Variants in TLK1 observed in about 807,000 individuals in gnomAD.
TLK1 encodes the protein tousled like kinase 1, also known as serine/threonine-protein kinase tousled-like 1.
In TLK1, 24 loss-of-function variants were observed where a neutral mutation model predicts 105.3. The observed-to-expected ratio is 0.23, with a 90% CI of 0.17 to 0.32. The LOEUF (loss-of-function observed/expected upper bound fraction) is 0.32, where lower values mean the gene tolerates loss of function less well. TLK1 is among the 10% of genes least tolerant of loss of function. TLK1 has a pLI of 1.00. For synonymous variants in TLK1, 321 were observed against 310.4 expected, an observed-to-expected ratio of 1.03 and a Z score of -0.36; for missense variants, 558 against 910.5, an observed-to-expected ratio of 0.61 and a Z score of 4.98.
chr2:171,013,168 A>G (rs1054855615), intron 13 of TLK1, among the ~76,000 whole-genome samples: 1 of 151,584 alleles, frequency 6.6e-6, no homozygotes, highest in African/African-American at 2.4e-5. Context: ...GCCCACCACA[A>G]CGCTGGGCTA....
In TLK1 at chr2:170,992,122, C is replaced by T. The variant is rs1683811094; in HGVS notation, c.*1658G>A. 1 of 152,132 alleles carries T rather than the reference C, an allele frequency of 6.6e-6. No individual in the cohort carries two copies. Among genetic ancestry groups the T allele is most frequent in the Non-Finnish European group, 1.5e-5 (1 of 67,992 alleles). The allele number at this position is 152,132 out of a possible 1,614,324, so 9.4% of individuals were successfully genotyped here. On this transcript the variant is annotated 3_prime_UTR_variant, in exon 21 of 21. Coordinates refer to ENST00000431350, the MANE Select transcript of TLK1 (RefSeq NM_012290.5). ...GTGAAGGAGCTCAGTTAGTCAATAT[C>T]CTACCATCTTGAAAGCTCCCTTCCA...
intron 1 of TLK1, among the ~76,000 whole-genome samples, chr2:171,145,897 G>C (rs1322180044): frequency 6.6e-6 from 1 of 151,868 alleles, no homozygotes; most frequent in African/African-American, 2.4e-5. Context: ...TGGTTACTTT[G>C]GGGAGCATGG....
Position 171,160,342 on chromosome 2 carries a change from C to A in TLK1, c.87G>T (p.Ala29=). The A allele has an allele frequency of 6.2e-7, 1 of 1,603,886 alleles. No individual in the cohort carries two copies. The highest frequency in any genetic ancestry group is 8.5e-7 in the Non-Finnish European group (1 of 1,176,028). Residue 29 remains alanine, a synonymous_variant, in exon 1 of 21, where the codon GCG becomes GCT. Coordinates refer to ENST00000431350, the MANE Select transcript of TLK1 (RefSeq NM_012290.5). The surrounding 1 kb of genome is among the most constrained non-coding windows in gnomAD (Gnocchi z 4.4). ...TGTGATTCAGCAGGGACCTGGCCGC[C>A]GCCGCCGAGCCCGGGGTTGGAGACG... ...LSTSPTPGSA[A]AARSLLNHTP...
intron 1 of TLK1, among the ~76,000 whole-genome samples, chr2:171,227,568 CTT>C (rs71401413): frequency 2.3e-3 from 126 of 55,464 alleles, no homozygotes; most frequent in African/African-American, 7.8e-3. Flanking sequence ...AGTAAATCTC[CTT>C]TTTTTTTTTT....
intron 1 of TLK1, among the ~76,000 whole-genome samples, chr2:171,168,783 A>T (rs1278609456): frequency 6.6e-6 from 1 of 152,058 alleles, no homozygotes; most frequent in Non-Finnish European, 1.5e-5. Context: ...GATGAGAGTT[A>T]TTCTGGAAGT....
At chr2:171,098,825 C>G (rs1349250434) in intron 2 of TLK1, among the ~76,000 whole-genome samples, 2 of 152,046 alleles carry the variant, frequency 1.3e-5, no homozygotes, top group Non-Finnish European at 2.9e-5. Context: ...CATACACCAG[C>G]TATATTAACA....
chr2:171,028,501 G>A (rs1685885089), intron 11 of TLK1, 96 bp from the exon 12 acceptor site: 1 of 841,412 alleles, frequency 1.2e-6, no homozygotes, highest in Admixed American at 2.4e-5. Context: ...ATACTAAAAT[G>A]TGGACAACTT....
chr2:171,003,603 C>G (rs552557554), intron 18 of TLK1, among the ~76,000 whole-genome samples: 2 of 152,064 alleles, frequency 1.3e-5, no homozygotes, highest in African/African-American at 4.8e-5. Flanking sequence ...CTGCGATAGG[C>G]CTTTTACTGG....
intron 1 of TLK1, among the ~76,000 whole-genome samples, chr2:171,130,085 C>T (rs571742630): frequency 2.0e-5 from 3 of 152,164 alleles, no homozygotes; most frequent in South Asian, 2.1e-4. Context: ...AGCTTTGCCA[C>T]GTAGTGACCC....
chr2:171,127,235 T>TCA (rs926391887), intron 1 of TLK1, among the ~76,000 whole-genome samples: 1 of 147,444 alleles, frequency 6.8e-6, no homozygotes, highest in African/African-American at 2.5e-5. Context: ...TGAGATCATG[T>TCA]CACTGCACTC....
rs534286500 is a variant in TLK1, at chr2:171,089,710, C to G, written c.259-6858G>C. Among the ~76,000 whole-genome samples, 6 of 152,268 alleles carry G rather than the reference C, an allele frequency of 3.9e-5. No individual in the cohort carries two copies. The South Asian group carries it at 1.2e-3, about 32-fold the overall frequency. On this transcript the variant is annotated intron_variant, in intron 2 of 20. Coordinates refer to ENST00000431350, the MANE Select transcript of TLK1 (RefSeq NM_012290.5). ...TAAGAGACCAGGTCTTGCTCTGTCA[C>G]TCAGGCTGGAGTGCAGTGCAGTGGC... is the stretch of plus-strand genomic sequence containing the variant.
At chr2:171,037,953 A>G (rs1039150572) in intron 11 of TLK1, among the ~76,000 whole-genome samples, 1 of 152,202 alleles carries the variant, frequency 6.6e-6, no homozygotes, top group South Asian at 2.1e-4. Context: ...TAAATGGCTG[A>G]TAGAATTCTT....
At chr2:171,204,320 G>A (rs1375205442) in intron 1 of TLK1, among the ~76,000 whole-genome samples, 1 of 152,116 alleles carries the variant, frequency 6.6e-6, no homozygotes, top group Non-Finnish European at 1.5e-5. Flanking sequence ...AAAATGGAAC[G>A]ATCTAAGTTG....
intron 13 of TLK1, among the ~76,000 whole-genome samples, chr2:171,013,089 C>T (rs765988011): frequency 1.2e-4 from 18 of 150,628 alleles, no homozygotes; most frequent in Non-Finnish European, 2.1e-4. Context: ...AGTGCAGTGG[C>T]GCAACCTCCG....
chr2:171,171,937 G>C (rs1422667854), intron 1 of TLK1, among the ~76,000 whole-genome samples: 6 of 152,144 alleles, frequency 3.9e-5, no homozygotes, highest in East Asian at 1.9e-4. Context: ...CAACAAAAAT[G>C]CGTTACATAT....
Position 171,014,834 on chromosome 2 carries a change from T to A in TLK1, c.1334+17A>T. 2 of 1,574,266 alleles carry A rather than the reference T, an allele frequency of 1.3e-6. No individual in the cohort carries two copies. Among genetic ancestry groups the A allele is most frequent in the Non-Finnish European group, 1.7e-6 (2 of 1,145,006 alleles). On this transcript the variant is annotated intron_variant, in intron 13 of 20. Coordinates refer to ENST00000431350, the MANE Select transcript of TLK1 (RefSeq NM_012290.5). ...GTTTTAATAATATGAAACTGTGAAA[T>A]GCAAATAATGACTTACTGTGAATTA...
chr2:171,064,707 T>C (rs1197541439), intron 3 of TLK1, among the ~76,000 whole-genome samples: 2 of 152,128 alleles, frequency 1.3e-5, no homozygotes, highest in East Asian at 3.8e-4. Flanking sequence ...CAATATACAA[T>C]GAAACAGTCA....
chr2:171,017,448 A>T (rs1685260776), intron 12 of TLK1, among the ~76,000 whole-genome samples: 2 of 152,190 alleles, frequency 1.3e-5, no homozygotes, highest in African/African-American at 4.8e-5. Context: ...CTTTTATTTG[A>T]AATTGTGGCA....
chr2:171,000,159 G>C (rs6761606), intron 18 of TLK1, among the ~76,000 whole-genome samples: 148,010 of 152,186 alleles, frequency 0.97, 72,077 homozygotes, highest in East Asian at 1. Context: ...GGGTAGAACA[G>C]GAGGTCGGCA....
Sources: gnomAD v4.1 joint callset for allele counts (sites outside exome capture counted in the v4.1 genomes callset) on GRCh38, gnomAD v4.1.1 for gene constraint, Gnocchi (gnomAD v3.1) non-coding constraint, MANE v1.5 for transcripts, NCBI Gene and HGNC (gene_info 2026-07-23, HGNC 2026-07-21) for gene names.